PRKG1: variants seen among roughly 807,000 people sequenced by gnomAD.
The protein encoded by PRKG1 is protein kinase cGMP-dependent 1.
A neutral mutation model predicts 88.1 loss-of-function variants in PRKG1; 35 were observed. The ratio of observed to expected loss-of-function variants is 0.40; its 90% CI spans 0.30 to 0.53. The LOEUF is 0.53. PRKG1 is among the 20% of genes least tolerant of loss of function. The pLI is 0.59. For missense variants in PRKG1, 540 were observed against 839.8 expected (o/e 0.64, Z 4.41); for synonymous variants, 303 against 292.5 (o/e 1.04, Z -0.37).
intron 2 of PRKG1, among the ~76,000 whole-genome samples, chr10:51,210,538 G>T (rs987049718): frequency 2.5e-4 from 38 of 152,254 alleles, no homozygotes; most frequent in Admixed American, 5.2e-4. Flanking sequence ...CTGATTTTTT[G>T]AAAAGATCAA....
At chr10:51,253,102 G>A (rs1287646703) in intron 2 of PRKG1, among the ~76,000 whole-genome samples, 1 of 151,830 alleles carries the variant, frequency 6.6e-6, no homozygotes, top group East Asian at 1.9e-4. Flanking sequence ...TCATCGGAGA[G>A]CTACAGTTGT....
At chr10:52,148,962 T>G (rs562805949) in intron 8 of PRKG1, among the ~76,000 whole-genome samples, 1 of 144,376 alleles carries the variant, frequency 6.9e-6, no homozygotes, top group Non-Finnish European at 1.5e-5. Flanking sequence ...TTTTGCTTTT[T>G]TTTTTTTTTT....
At chr10:51,448,830 C>T (rs1425704612) in intron 2 of PRKG1, among the ~76,000 whole-genome samples, 1 of 151,868 alleles carries the variant, frequency 6.6e-6, no homozygotes, top group Non-Finnish European at 1.5e-5. Context: ...TGCACTGGTT[C>T]GTATATAGAA....
chr10:52,233,009 T>C (rs1337101258), intron 9 of PRKG1, among the ~76,000 whole-genome samples: 1 of 152,190 alleles, frequency 6.6e-6, no homozygotes, highest in Non-Finnish European at 1.5e-5. Flanking sequence ...ACATCCCCAT[T>C]GTTAAGACTG....
chr10:51,980,004 T>C (rs376902721), intron 5 of PRKG1, among the ~76,000 whole-genome samples: 1 of 152,148 alleles, frequency 6.6e-6, no homozygotes, highest in African/African-American at 2.4e-5. Context: ...ATTTTGATTA[T>C]TTCTTGTCTT....
intron 5 of PRKG1, among the ~76,000 whole-genome samples, chr10:51,943,824 A>C (rs1402648765): frequency 6.6e-6 from 1 of 151,988 alleles, no homozygotes; most frequent in Non-Finnish European, 1.5e-5. Flanking sequence ...ATGGTGGATA[A>C]GCTTCTTGAG....
chr10:51,282,483 A>G (rs1840326318), intron 2 of PRKG1, among the ~76,000 whole-genome samples: 1 of 152,162 alleles, frequency 6.6e-6, no homozygotes, highest in South Asian at 2.1e-4. Context: ...AGTCCTGAAA[A>G]TCATCAACAT....
chr10:51,730,656 T>C (rs1386222382), intron 3 of PRKG1, among the ~76,000 whole-genome samples: 1 of 152,220 alleles, frequency 6.6e-6, no homozygotes, highest in Non-Finnish European at 1.5e-5. Context: ...CACACGTATC[T>C]GACAAAAAAT....
At chr10:52,290,380 C>A in intron 17 of PRKG1, 90 bp downstream of exon 17, 2 of 1,113,802 alleles carry the variant, frequency 1.8e-6, no homozygotes, top group South Asian at 1.6e-5. Context: ...AAGTTTAATC[C>A]TATGATTAAG....
At chr10:51,656,956 C>T (rs777131760) in intron 3 of PRKG1, among the ~76,000 whole-genome samples, 31 of 152,076 alleles carry the variant, frequency 2.0e-4, no homozygotes, top group Non-Finnish European at 4.0e-4. Context: ...CACTGTGTGG[C>T]CTTGGGCAAG....
intron 4 of PRKG1, among the ~76,000 whole-genome samples, chr10:51,878,829 G>A (rs1841366732): frequency 6.6e-6 from 1 of 152,104 alleles, no homozygotes; most frequent in Admixed American, 6.6e-5. Flanking sequence ...TTCTGTCAAA[G>A]AGAAATCAAC....
At chr10:52,015,829 T>G (rs537636686) in intron 5 of PRKG1, among the ~76,000 whole-genome samples, 48 of 152,184 alleles carry the variant, frequency 3.2e-4, no homozygotes, top group Non-Finnish European at 6.2e-4. Flanking sequence ...AAGTTCAAAG[T>G]TCAACGGATC....
intron 2 of PRKG1, among the ~76,000 whole-genome samples, chr10:51,464,680 A>G (rs1353918912): frequency 6.6e-6 from 1 of 151,764 alleles, no homozygotes; most frequent in Non-Finnish European, 1.5e-5. Context: ...TCACGAGGTC[A>G]GGAGATCGAG....
intron 3 of PRKG1, among the ~76,000 whole-genome samples, chr10:51,753,278 C>T (rs1287813815): frequency 6.6e-6 from 1 of 151,998 alleles, no homozygotes; most frequent in Admixed American, 6.6e-5. Context: ...TGATCCTTAG[C>T]CTACCTGTTT....
intron 1 of PRKG1, among the ~76,000 whole-genome samples, chr10:51,035,459 G>A (rs1319480319): frequency 6.6e-6 from 1 of 151,876 alleles, no homozygotes; most frequent in Admixed American, 6.6e-5. Context: ...GTAGTGTCAG[G>A]GTAAAATCAG....
At chr10:51,908,564 T>A (rs1286158833) in intron 5 of PRKG1, 1 of 151,906 alleles carries the variant, frequency 6.6e-6, no homozygotes. Flanking sequence ...TGACTTAGAT[T>A]TTTAACAAAA....
intron 7 of PRKG1, among the ~76,000 whole-genome samples, chr10:52,107,901 T>G (rs1392364124): frequency 1.3e-5 from 2 of 152,214 alleles, no homozygotes; most frequent in Non-Finnish European, 2.9e-5. Flanking sequence ...AGAGTATAGT[T>G]GGCATAATCA....
chr10:52,170,799 A>C (rs973783294), intron 9 of PRKG1, among the ~76,000 whole-genome samples: 2 of 152,244 alleles, frequency 1.3e-5, no homozygotes, highest in African/African-American at 4.8e-5. Context: ...ACAGCAATAA[A>C]AGATGTTCTC....
intron 14 of PRKG1, among the ~76,000 whole-genome samples, chr10:52,287,168 T>G (rs1382210624): frequency 6.6e-6 from 1 of 151,990 alleles, no homozygotes; most frequent in Non-Finnish European, 1.5e-5. Flanking sequence ...CTCCTCCTCA[T>G]TTTTTAAAGT....
Sources: allele counts gnomAD v4.1 joint callset (sites outside exome capture counted in the v4.1 genomes callset), GRCh38; gene constraint gnomAD v4.1.1; transcripts MANE v1.5; gene names NCBI Gene and HGNC (gene_info 2026-07-23, HGNC 2026-07-21).